The following ETV6 variants were observed in gnomAD, a reference collection of about 807,000 sequenced individuals.
ETV6 encodes the protein transcription factor ETV6.
In ETV6, 16 loss-of-function variants were observed where a neutral mutation model predicts 51.1. The observed-to-expected ratio is 0.31, with a 90% CI of 0.21 to 0.48. ETV6 has a LOEUF of 0.48. ETV6 is among the 20% of genes least tolerant of loss of function. The pLI, the probability that ETV6 is intolerant of heterozygous loss-of-function variation, is 0.99. For synonymous variants in ETV6, 240 were observed against 224.1 expected (o/e 1.07, Z -0.64); for missense variants, 458 against 594.8 (o/e 0.77, Z 2.39).
chr12:11,795,121 G>A (rs1945657128), intron 2 of ETV6, among the ~76,000 whole-genome samples: 1 of 152,234 alleles, frequency 6.6e-6, no homozygotes, highest in Non-Finnish European at 1.5e-5. Flanking sequence ...TTCATTCAAT[G>A]TAAGCTGGAT....
At chr12:11,688,994 A>C (rs1864691432) in intron 1 of ETV6, among the ~76,000 whole-genome samples, 2 of 152,218 alleles carry the variant, frequency 1.3e-5, no homozygotes, top group African/African-American at 4.8e-5. Context: ...AAATGTGGGA[A>C]GGACTAGGAA....
chr12:11,853,317 G>T (rs946767426), intron 3 of ETV6, 110 bp from the exon 4 acceptor site: 3 of 1,288,264 alleles, frequency 2.3e-6, no homozygotes, highest in African/African-American at 2.9e-5. Flanking sequence ...TGGCAGGTGC[G>T]CTCCAATTGT....
At chr12:11,757,917 G>C (rs1003174194) in intron 2 of ETV6, among the ~76,000 whole-genome samples, 3 of 152,302 alleles carry the variant, frequency 2.0e-5, no homozygotes, top group Non-Finnish European at 2.9e-5. Context: ...TTGTTCACCA[G>C]TCCTGCTGCC....
At chr12:11,756,912 T>A (rs544588276) in intron 2 of ETV6, among the ~76,000 whole-genome samples, 1 of 152,354 alleles carries the variant, frequency 6.6e-6, no homozygotes, top group South Asian at 2.1e-4. Context: ...TATTTTAAAT[T>A]TCTTTTAAAC....
chr12:11,749,942 A>G (rs1365548566), intron 1 of ETV6, among the ~76,000 whole-genome samples: 1 of 152,222 alleles, frequency 6.6e-6, no homozygotes, highest in Admixed American at 6.5e-5. Flanking sequence ...TGAGCCTTTG[A>G]AAAAGAGCTT....
chr12:11,714,774 G>A (rs1865243646), intron 1 of ETV6, among the ~76,000 whole-genome samples: 2 of 152,152 alleles, frequency 1.3e-5, no homozygotes, highest in Admixed American at 1.3e-4. Flanking sequence ...GACTCCTGGT[G>A]AGGAGGGCAG....
intron 1 of ETV6, among the ~76,000 whole-genome samples, chr12:11,725,626 C>T (rs1185941614): frequency 1.3e-5 from 2 of 152,160 alleles, no homozygotes; most frequent in Admixed American, 1.3e-4. Flanking sequence ...GACCTGATCT[C>T]CAGTGTTGGA....
Position 11,834,130 on chromosome 12 carries a change from A to G in ETV6, c.164-5010A>G, listed in dbSNP as rs184889649. ...TGGAGGAGTTATCTTTGGACCAATTAAGGACGTTTCATCTGGAGGCAAAAT... is the reference window on the plus strand; with the variant it reads ...TGGAGGAGTTATCTTTGGACCAATTGAGGACGTTTCATCTGGAGGCAAAAT... On this transcript the variant is annotated intron_variant, in intron 2 of 7. Transcript: ENST00000396373. Among the ~76,000 whole-genome samples, 68 of 152,314 alleles carry G rather than the reference A, an allele frequency of 4.5e-4. 1 individual carries two copies. Among genetic ancestry groups the G allele is most frequent in the Admixed American group, 4.1e-3 (63 of 15,300 alleles).
chr12:11,664,709 T>C (rs971106523), intron 1 of ETV6, among the ~76,000 whole-genome samples: 6 of 152,190 alleles, frequency 3.9e-5, no homozygotes, highest in African/African-American at 1.4e-4. Context: ...GGAGGGCAGG[T>C]GTGCCATCTT....
At chr12:11,661,685 C>T (rs902264312) in intron 1 of ETV6, among the ~76,000 whole-genome samples, 125 of 152,232 alleles carry the variant, frequency 8.2e-4, no homozygotes, top group Non-Finnish European at 1.5e-4. Context: ...CATCTGCTGA[C>T]GCTGATACTT....
intron 1 of ETV6, among the ~76,000 whole-genome samples, chr12:11,683,925 C>A (rs1445686042): frequency 6.6e-6 from 1 of 151,412 alleles, no homozygotes; most frequent in African/African-American, 2.4e-5. Context: ...AGAGGAATTT[C>A]TTTAAGTACA....
rs1242497850 is a variant in ETV6, at chr12:11,864,574, T to C, written c.464-4850T>C. Among the ~76,000 whole-genome samples, 6 of 152,168 alleles carry C rather than the reference T, an allele frequency of 3.9e-5. No individual in the cohort carries two copies. In the East Asian group the frequency reaches 1.2e-3, roughly 29 times the overall value. ...ACCAGGGACAAAAGATAAATACATT[T>C]CTATGGGCAGCAGAATTGACATCCA... On this transcript the variant is annotated intron_variant, in intron 4 of 7. Transcript: ENST00000396373.
intron 1 of ETV6, among the ~76,000 whole-genome samples, chr12:11,719,807 C>T (rs959058890): frequency 6.6e-6 from 1 of 152,134 alleles, no homozygotes; most frequent in African/African-American, 2.4e-5. Context: ...GGTAACAGAC[C>T]CTCTGCCTCC....
At chr12:11,793,656 T>C (rs1469108502) in intron 2 of ETV6, among the ~76,000 whole-genome samples, 2 of 152,170 alleles carry the variant, frequency 1.3e-5, no homozygotes, top group Non-Finnish European at 2.9e-5. Context: ...ATGCCTCCCT[T>C]CTCTTAGTAT....
intron 3 of ETV6, among the ~76,000 whole-genome samples, chr12:11,839,917 T>C (rs2136465361): frequency 6.6e-6 from 1 of 152,174 alleles, no homozygotes; most frequent in East Asian, 1.9e-4. Flanking sequence ...CTTTTGACTC[T>C]CTAAAAGAGA....
chr12:11,806,183 G>A (rs1296471908), intron 2 of ETV6, among the ~76,000 whole-genome samples: 1 of 152,180 alleles, frequency 6.6e-6, no homozygotes, highest in Non-Finnish European at 1.5e-5. Flanking sequence ...CACAGTTGAG[G>A]TTTTGGAATG....
intron 3 of ETV6, among the ~76,000 whole-genome samples, chr12:11,849,633 A>C (rs1439614419): frequency 6.6e-6 from 1 of 152,200 alleles, no homozygotes; most frequent in Non-Finnish European, 1.5e-5. Context: ...CAGGGATTGC[A>C]GGGGAAGCCA....
chr12:11,798,237 C>T (rs998099770), intron 2 of ETV6, among the ~76,000 whole-genome samples: 3 of 151,992 alleles, frequency 2.0e-5, no homozygotes, highest in African/African-American at 7.3e-5. Flanking sequence ...AAGCAGTTGA[C>T]TTAGGAGAGG....
chr12:11,650,564 T>A (rs1863886866), intron 1 of ETV6, among the ~76,000 whole-genome samples: 2 of 151,246 alleles, frequency 1.3e-5, no homozygotes, highest in East Asian at 1.9e-4. Context: ...ATAACTTTTG[T>A]TCCCGAGGGG....
Sources: gnomAD v4.1 joint callset for allele counts (sites outside exome capture counted in the v4.1 genomes callset) on GRCh38, gnomAD v4.1.1 for gene constraint, MANE v1.5 for transcripts, NCBI Gene and HGNC (gene_info 2026-07-23, HGNC 2026-07-21) for gene names.